Variants in CADPS2 observed in about 807,000 individuals in gnomAD.
The protein encoded by CADPS2 is calcium-dependent secretion activator 2.
Under a neutral mutation model 172.5 loss-of-function variants are expected in CADPS2, and 93 were observed. The observed-to-expected ratio is 0.54, with a 90% confidence interval of 0.46 to 0.64. The LOEUF (loss-of-function observed/expected upper bound fraction) is 0.64, where lower values mean the gene tolerates loss of function less well. Ranked by LOEUF, CADPS2 falls within the 30% of genes least tolerant of loss-of-function variation. The pLI is 0.00. For synonymous variants in CADPS2, 546 were observed against 555.2 expected (o/e 0.98, Z 0.23); for missense variants, 1,420 against 1,565.9 (o/e 0.91, Z 1.57).
At chr7:122,652,456 A>G (rs1465914381) in intron 3 of CADPS2, among the ~76,000 whole-genome samples, 1 of 152,176 alleles carries the variant, frequency 6.6e-6, no homozygotes, top group African/African-American at 2.4e-5. Flanking sequence ...TATCAAATAT[A>G]CAGTTTTAAT....
chr7:122,642,234 C>T (rs1210492566), intron 3 of CADPS2, among the ~76,000 whole-genome samples: 1 of 149,376 alleles, frequency 6.7e-6, no homozygotes, highest in Non-Finnish European at 1.5e-5. Flanking sequence ...GAGCCTTCAT[C>T]GCATTACTGC....
chr7:122,492,045 A>T (rs1167464346), intron 9 of CADPS2, among the ~76,000 whole-genome samples: 2 of 152,034 alleles, frequency 1.3e-5, no homozygotes. Context: ...GGTGGCACAC[A>T]CCAGTAGTCC....
At position 122,654,647 on chromosome 7, in the gene CADPS2, A is replaced by G. The variant is rs183580017; in HGVS notation, c.786+8590T>C. On this transcript the variant is annotated intron_variant, in intron 3 of 29. Coordinates refer to ENST00000449022, the MANE Select transcript of CADPS2 (RefSeq NM_017954.11). ...AAATAGTATTGCTCATTGACAATGC[A>G]CTTAGTAACCCAAGGGTTCTGATAG... is the stretch of plus-strand genomic sequence containing the variant. 9.2e-5 allele frequency among the ~76,000 whole-genome samples: 14 copies of G among 152,348 alleles called. No individual in the cohort carries two copies. In the East Asian group the frequency reaches 2.1e-3, roughly 23 times the overall value.
intron 27 of CADPS2, among the ~76,000 whole-genome samples, chr7:122,356,372 T>C (rs2151088424): frequency 6.6e-6 from 1 of 152,342 alleles, no homozygotes; most frequent in East Asian, 1.9e-4. Context: ...TAAAGTGCCA[T>C]TTTCATCACA....
At chr7:122,417,968 G>C (rs56144255) in intron 17 of CADPS2, among the ~76,000 whole-genome samples, 41,409 of 151,886 alleles carry the variant, frequency 0.27, 5,929 homozygotes, top group East Asian at 0.38. Context: ...TCAGGAGTTC[G>C]AAACCAGCCT....
intron 25 of CADPS2, among the ~76,000 whole-genome samples, chr7:122,365,529 A>G (rs1012902376): frequency 2.6e-5 from 4 of 152,198 alleles, no homozygotes; most frequent in African/African-American, 9.7e-5. Flanking sequence ...AAACCCAGTT[A>G]AATGTTGGGT....
intron 7 of CADPS2, among the ~76,000 whole-genome samples, chr7:122,563,073 G>A (rs1161678335): frequency 6.6e-6 from 1 of 151,982 alleles, no homozygotes; most frequent in Non-Finnish European, 1.5e-5. Flanking sequence ...ATTTTTCAAG[G>A]CTCAATTAAG....
intron 9 of CADPS2, among the ~76,000 whole-genome samples, chr7:122,506,069 T>A (rs548562324): frequency 7.9e-5 from 12 of 152,288 alleles, no homozygotes; most frequent in Admixed American, 2.0e-4. Flanking sequence ...TGCTGAAAGA[T>A]TAGCAGGGTC....
chr7:122,828,173 C>G (rs908721768), intron 1 of CADPS2, among the ~76,000 whole-genome samples: 1 of 152,104 alleles, frequency 6.6e-6, no homozygotes, highest in Non-Finnish European at 1.5e-5. Flanking sequence ...AACTTCTTGT[C>G]TAGAACTAGT....
At chr7:122,344,265 A>G (rs1034153162) in intron 28 of CADPS2, among the ~76,000 whole-genome samples, 1 of 152,226 alleles carries the variant, frequency 6.6e-6, no homozygotes, top group Non-Finnish European at 1.5e-5. Flanking sequence ...TGCAGAGAAG[A>G]TGTACATAAA....
At chr7:122,520,646 A>C (rs2060716134) in intron 8 of CADPS2, among the ~76,000 whole-genome samples, 3 of 152,104 alleles carry the variant, frequency 2.0e-5, no homozygotes, top group African/African-American at 7.2e-5. Context: ...AAATGAAATA[A>C]AGAACTCGCT....
intron 9 of CADPS2, among the ~76,000 whole-genome samples, chr7:122,498,412 C>T (rs2058929736): frequency 6.6e-6 from 1 of 152,178 alleles, no homozygotes; most frequent in South Asian, 2.1e-4. Context: ...TTCCCATTAT[C>T]TGTTTAAATG....
At chr7:122,856,948 T>C (rs1437654568) in intron 1 of CADPS2, among the ~76,000 whole-genome samples, 1 of 152,214 alleles carries the variant, frequency 6.6e-6, no homozygotes, top group Non-Finnish European at 1.5e-5. Flanking sequence ...TCTCAAAAAG[T>C]ATACACTTCT....
intron 8 of CADPS2, among the ~76,000 whole-genome samples, chr7:122,526,305 C>T (rs2061231033): frequency 1.3e-5 from 2 of 152,070 alleles, no homozygotes; most frequent in Non-Finnish European, 2.9e-5. Context: ...AATTCTCATG[C>T]CTCAGCCTCC....
intron 25 of CADPS2, among the ~76,000 whole-genome samples, chr7:122,365,168 T>TG (rs1393970094): frequency 6.6e-6 from 1 of 152,186 alleles, no homozygotes. Context: ...TAGTCCTAGG[T>TG]GTGAACCTGT....
chr7:122,455,097 A>T (rs1286308655), intron 14 of CADPS2, among the ~76,000 whole-genome samples: 2 of 152,028 alleles, frequency 1.3e-5, no homozygotes, highest in African/African-American at 4.8e-5. Context: ...CCACAATCTG[A>T]CCTTATCTAC....
intron 1 of CADPS2, among the ~76,000 whole-genome samples, chr7:122,868,670 G>C (rs1326272338): frequency 1.3e-5 from 2 of 152,128 alleles, no homozygotes; most frequent in African/African-American, 4.8e-5. Context: ...GAGAGTCAAG[G>C]AAAATTAACT....
chr7:122,436,439 T>A, intron 17 of CADPS2: 1 of 1,064,018 alleles, frequency 9.4e-7, no homozygotes, highest in Middle Eastern at 2.4e-4. Flanking sequence ...GTCGTTCATA[T>A]AATGTAAAAG....
intron 1 of CADPS2, among the ~76,000 whole-genome samples, chr7:122,786,247 A>C (rs564583402): frequency 7.9e-5 from 12 of 152,226 alleles, no homozygotes; most frequent in Non-Finnish European, 1.5e-4. Context: ...ATGGATGAGA[A>C]GCCATGAAGA....
Sources: gnomAD v4.1 joint callset for allele counts (sites outside exome capture counted in the v4.1 genomes callset) on GRCh38, gnomAD v4.1.1 for gene constraint, MANE v1.5 for transcripts, NCBI Gene and HGNC (gene_info 2026-07-23, HGNC 2026-07-21) for gene names.